Variants in NEXMIF observed in about 807,000 individuals in gnomAD.
NEXMIF encodes the protein neurite extension and migration factor, also known as XLMR protein related to neurite extension.
A neutral mutation model predicts 62.1 loss-of-function variants in NEXMIF; 8 were observed. That is an observed-to-expected ratio of 0.13 (90% CI 0.08 to 0.23). NEXMIF has a LOEUF of 0.23. NEXMIF is among the 10% of genes least tolerant of loss of function. NEXMIF has a pLI of 1.00. For synonymous variants in NEXMIF, 404 were observed against 416.6 expected, an observed-to-expected ratio of 0.97 and a Z score of 0.37; for missense variants, 976 against 1,113.3, an observed-to-expected ratio of 0.88 and a Z score of 1.75.
chrX:74,738,830 G>A lies in NEXMIF; in HGVS notation c.*575C>T, dbSNP rs1417013583. The A allele has an allele frequency of 9.3e-6, 1 of 107,762 alleles. No homozygotes were observed. Among genetic ancestry groups the A allele is most frequent in the Non-Finnish European group, 1.9e-5 (1 of 52,078 alleles). 8.9% of individuals were successfully genotyped at this position (107,762 alleles called of 1,213,427 possible). On this transcript the variant is annotated 3_prime_UTR_variant, in exon 4 of 4. Transcript: ENST00000055682. Reference sequence around the variant, plus strand: ...TCTAAAACTTTAAAAGAACGTGTGTGTGTGTATATATATATATACATATAT... The same window carrying A: ...TCTAAAACTTTAAAAGAACGTGTGTATGTGTATATATATATATACATATAT...
In NEXMIF at chrX:74,916,331, C is replaced by G. The variant is rs963284092; in HGVS notation, c.-48+8552G>C. Among the ~76,000 whole-genome samples, 3 of 111,804 alleles carry G rather than the reference C, an allele frequency of 2.7e-5. 1 individual carries two copies. Among genetic ancestry groups the G allele is most frequent in the East Asian group, 5.6e-4 (2 of 3,549 alleles). Reference sequence around the variant, plus strand: ...CTTGTCTCAACCCAGCTAGAGATACCTATTTGCCAAGAAACTCCCTGAGGT... The same window carrying G: ...CTTGTCTCAACCCAGCTAGAGATACGTATTTGCCAAGAAACTCCCTGAGGT... On this transcript the variant is annotated intron_variant, in intron 1 of 3. Transcript: ENST00000055682.
At chrX:74,839,622 GTTC>G (rs1284654833) in intron 1 of NEXMIF, among the ~76,000 whole-genome samples, 3 of 111,513 alleles carry the variant, frequency 2.7e-5, no homozygotes, top group Non-Finnish European at 5.7e-5. Flanking sequence ...GTGTTCATAA[GTTC>G]TTATCATTTA....
At chrX:74,791,847 G>T (rs753125205) in intron 1 of NEXMIF, among the ~76,000 whole-genome samples, 2 of 110,559 alleles carry the variant, frequency 1.8e-5, no homozygotes, top group African/African-American at 6.6e-5. Context: ...TTTTTATTGC[G>T]TCTATTAGAT....
intron 1 of NEXMIF, among the ~76,000 whole-genome samples, chrX:74,788,566 T>G (rs1218852945): frequency 9.0e-6 from 1 of 111,026 alleles, no homozygotes; most frequent in Non-Finnish European, 1.9e-5. Flanking sequence ...TATGCTTCCT[T>G]TACTTTGCAA....
intron 1 of NEXMIF, among the ~76,000 whole-genome samples, chrX:74,851,388 A>T (rs2080512896): frequency 9.0e-6 from 1 of 111,403 alleles, no homozygotes; most frequent in African/African-American, 3.3e-5. Flanking sequence ...ATCTCCAAAT[A>T]CATATCGTCT....
At chrX:74,871,009 T>C (rs923799738) in intron 1 of NEXMIF, among the ~76,000 whole-genome samples, 2 of 111,969 alleles carry the variant, frequency 1.8e-5, no homozygotes, top group Non-Finnish European at 3.8e-5. Context: ...CGAAGAGATA[T>C]TGGTACTCCT....
chrX:74,850,659 C>A (rs777152979), intron 1 of NEXMIF, among the ~76,000 whole-genome samples: 15 of 111,181 alleles, frequency 1.3e-4, no homozygotes. Flanking sequence ...ATTGCACGTA[C>A]CCAGAATCAA....
Position 74,740,290 on chromosome X carries a change from G to C in NEXMIF, c.4267C>G (p.Arg1423Gly). ...TACTTTTTATCAAAGAAGGTAGAGC[G>C]AGAGTCCTCGTTATAACCAGGCATG... Reference protein sequence around the residue: ...ANMPGYNEDSRSTFFDKKYSN... With the variant: ...ANMPGYNEDSGSTFFDKKYSN... The change falls in exon 3 of 4, where the codon CGC becomes GGC. Residue 1423 changes from arginine to glycine, a missense_variant. Transcript: ENST00000055682. 1 of 1,211,065 alleles carries C rather than the reference G, an allele frequency of 8.3e-7. No homozygotes were observed. Among genetic ancestry groups the C allele is most frequent in the Non-Finnish European group, 1.1e-6 (1 of 895,208 alleles).
At chrX:74,790,739 T>C (rs1348573871) in intron 1 of NEXMIF, among the ~76,000 whole-genome samples, 1 of 113,553 alleles carries the variant, frequency 8.8e-6, no homozygotes, top group Admixed American at 9.2e-5. Flanking sequence ...TTTGAAGCAA[T>C]TGCGAATGGG....
intron 1 of NEXMIF, among the ~76,000 whole-genome samples, chrX:74,903,006 C>T (rs1356534450): frequency 9.0e-6 from 1 of 111,159 alleles, no homozygotes; most frequent in Admixed American, 9.6e-5. Context: ...TTTAGCTCAG[C>T]TGCCTTTGCA....
intron 1 of NEXMIF, among the ~76,000 whole-genome samples, chrX:74,915,465 C>G (rs777482252): frequency 5.4e-5 from 6 of 111,665 alleles, no homozygotes; most frequent in African/African-American, 1.6e-4. Flanking sequence ...AGTCAAGTCA[C>G]TGTGGTAGGC....
intron 1 of NEXMIF, among the ~76,000 whole-genome samples, chrX:74,888,385 C>T (rs1236098033): frequency 3.6e-5 from 4 of 109,683 alleles, no homozygotes; most frequent in Non-Finnish European, 7.6e-5. Context: ...AGTTCATGTC[C>T]CTTGCAGGGA....
At chrX:74,886,717 A>G (rs1049501165) in intron 1 of NEXMIF, among the ~76,000 whole-genome samples, 2 of 110,379 alleles carry the variant, frequency 1.8e-5, no homozygotes, top group African/African-American at 6.7e-5. Flanking sequence ...GACAATGGCC[A>G]TACTGCCCAA....
chrX:74,772,548 C>G (rs1160887379), intron 1 of NEXMIF, among the ~76,000 whole-genome samples: 3 of 112,611 alleles, frequency 2.7e-5, no homozygotes, highest in Admixed American at 9.4e-5. Flanking sequence ...CTTTTTCTCT[C>G]CAGCCCCTCC....
intron 1 of NEXMIF, among the ~76,000 whole-genome samples, chrX:74,815,748 C>A (rs2080374019): frequency 9.2e-6 from 1 of 108,697 alleles, no homozygotes; most frequent in Non-Finnish European, 1.9e-5. Context: ...CATTCTCCTG[C>A]CTCAGCCTCC....
chrX:74,844,486 GCAC>G (rs2080484832), intron 1 of NEXMIF, among the ~76,000 whole-genome samples: 1 of 111,192 alleles, frequency 9.0e-6, no homozygotes, highest in South Asian at 3.8e-4. Flanking sequence ...CTTACTCCTT[GCAC>G]CACCATTTAC....
intron 1 of NEXMIF, among the ~76,000 whole-genome samples, chrX:74,888,416 A>T (rs1284357849): frequency 2.7e-5 from 3 of 110,302 alleles, no homozygotes; most frequent in Non-Finnish European, 3.8e-5. Flanking sequence ...GCTGGAAAAC[A>T]TCATTCTCAG....
chrX:74,896,275 C>T (rs1172873966), intron 1 of NEXMIF, among the ~76,000 whole-genome samples: 1 of 111,919 alleles, frequency 8.9e-6, no homozygotes, highest in Non-Finnish European at 1.9e-5. Context: ...CTGCCTTCTT[C>T]CTTATCTAGA....
intron 1 of NEXMIF, among the ~76,000 whole-genome samples, chrX:74,823,935 A>C (rs932981317): frequency 8.9e-6 from 1 of 111,880 alleles, no homozygotes; most frequent in African/African-American, 3.2e-5. Flanking sequence ...AAACCAACTT[A>C]TATCAACTGT....
Sources: gnomAD v4.1 joint callset for allele counts (sites outside exome capture counted in the v4.1 genomes callset) on GRCh38, gnomAD v4.1.1 for gene constraint, MANE v1.5 for transcripts, NCBI Gene and HGNC (gene_info 2026-07-23, HGNC 2026-07-21) for gene names.